The following SPIRE1 variants were observed in gnomAD, a reference collection of about 807,000 sequenced individuals.
SPIRE1 encodes protein spire homolog 1.
SPIRE1 carries 40 observed loss-of-function variants against 94.1 expected under a neutral mutation model. That is an observed-to-expected ratio of 0.43 (90% confidence interval 0.33 to 0.55). SPIRE1 has a LOEUF of 0.55. SPIRE1 is among the 20% of genes least tolerant of loss of function. The pLI is 0.06. For synonymous variants in SPIRE1, 376 were observed against 371.7 expected (o/e 1.01, Z -0.13); for missense variants, 838 against 975.2 (o/e 0.86, Z 1.87).
intron 9 of SPIRE1, 83 bp downstream of exon 9, chr18:12,485,876 T>C: frequency 4.7e-6 from 5 of 1,054,026 alleles, no homozygotes; most frequent in South Asian, 1.4e-5. Flanking sequence ...TTTTAACATG[T>C]TTGAACAAGC....
At chr18:12,523,414 C>G (rs1434174805) in intron 4 of SPIRE1, among the ~76,000 whole-genome samples, 1 of 152,136 alleles carries the variant, frequency 6.6e-6, no homozygotes, top group Non-Finnish European at 1.5e-5. Context: ...TTATATAAAT[C>G]TAGTTGATAA....
rs1345452411 is a variant in SPIRE1, at chr18:12,549,436, G to GTT, written c.373-2534_373-2533dup. On this transcript the variant is annotated intron_variant, in intron 2 of 16. Transcript: ENST00000409402. The stretch of plus-strand genomic sequence containing the variant: ...TTGCTTTTTGTTTGTTTTTGTTATT[G>GTT]TTGTTTTTTTTTTTTTTTTTTTTTT... Among the ~76,000 whole-genome samples, 281 of 51,926 alleles carry GTT rather than the reference G, an allele frequency of 5.4e-3. 17 individuals carry two copies. Among genetic ancestry groups the GTT allele is most frequent in the Middle Eastern group, 0.029 (2 of 70 alleles). 34.1% of individuals were successfully genotyped at this position (51,926 alleles called of 152,430 possible). A position where few individuals can be genotyped will look rare whatever the true frequency, so the allele number is the denominator to read the frequency against.
At chr18:12,468,848 A>G (rs1312299253) in intron 10 of SPIRE1, among the ~76,000 whole-genome samples, 2 of 152,132 alleles carry the variant, frequency 1.3e-5, no homozygotes, top group African/African-American at 4.8e-5. Context: ...CGCTTAAGCC[A>G]GGGAGTTTGA....
At chr18:12,649,724 C>T (rs540851602) in intron 1 of SPIRE1, among the ~76,000 whole-genome samples, 111 of 152,206 alleles carry the variant, frequency 7.3e-4, no homozygotes, top group Non-Finnish European at 1.3e-3. Flanking sequence ...AAAGTTTAGT[C>T]AAAACTCTTA....
chr18:12,585,881 CAA>C (rs1398175508), intron 2 of SPIRE1, among the ~76,000 whole-genome samples: 1 of 152,172 alleles, frequency 6.6e-6, no homozygotes, highest in Non-Finnish European at 1.5e-5. Flanking sequence ...AAGAGCTCGG[CAA>C]ACATTTTGTT....
At chr18:12,590,835 G>A (rs924507140) in intron 2 of SPIRE1, among the ~76,000 whole-genome samples, 1 of 152,148 alleles carries the variant, frequency 6.6e-6, no homozygotes, top group Non-Finnish European at 1.5e-5. Context: ...ATGTTACTGT[G>A]TACAGTTTGT....
chr18:12,602,148 A>G (rs1229233521), intron 2 of SPIRE1, among the ~76,000 whole-genome samples: 2 of 152,162 alleles, frequency 1.3e-5, no homozygotes, highest in African/African-American at 4.8e-5. Context: ...ATACACATAA[A>G]GGGCTGAGTT....
In SPIRE1 at chr18:12,476,574, T is replaced by A. The variant is rs1380689680; in HGVS notation, c.1404+3125A>T. Among the ~76,000 whole-genome samples, 198 of 113,478 alleles carry A rather than the reference T, an allele frequency of 1.7e-3. 2 individuals are homozygous for A. Among genetic ancestry groups the A allele is most frequent in the East Asian group, 0.016 (51 of 3,170 alleles). The allele number at this position is 113,478 out of a possible 152,430, so 74.4% of individuals were successfully genotyped here. A position where few individuals can be genotyped will look rare whatever the true frequency, so the allele number is the denominator to read the frequency against. On this transcript the variant is annotated intron_variant, in intron 10 of 16. Transcript: ENST00000409402. The stretch of plus-strand genomic sequence containing the variant: ...AAAAAAAAAAAAAAAAATATATATA[T>A]ATATATATATATATACACACACACA...
At chr18:12,565,885 T>C (rs2035806371) in intron 2 of SPIRE1, among the ~76,000 whole-genome samples, 1 of 150,876 alleles carries the variant, frequency 6.6e-6, no homozygotes, top group South Asian at 2.1e-4. Context: ...AATACAAAAG[T>C]TGGCTGGGCA....
chr18:12,614,481 G>A (rs2037228097), intron 2 of SPIRE1, among the ~76,000 whole-genome samples: 1 of 152,136 alleles, frequency 6.6e-6, no homozygotes, highest in Non-Finnish European at 1.5e-5. Context: ...TAATAAGCAG[G>A]AGACTGGGAA....
At chr18:12,505,734 G>A (rs1170964162) in intron 6 of SPIRE1, among the ~76,000 whole-genome samples, 2 of 152,118 alleles carry the variant, frequency 1.3e-5, no homozygotes, top group African/African-American at 4.8e-5. Flanking sequence ...CACAAAATAT[G>A]TTGCTTATAA....
At chr18:12,481,436 T>G (rs1299626462) in intron 9 of SPIRE1, among the ~76,000 whole-genome samples, 1 of 152,100 alleles carries the variant, frequency 6.6e-6, no homozygotes, top group Non-Finnish European at 1.5e-5. Flanking sequence ...AAAAACCATG[T>G]AAATTATTTC....
Position 12,657,612 on chromosome 18 carries a change from G to T in SPIRE1, c.255C>A (p.Ala85=). Reference sequence around the variant, plus strand: ...CGTCCCTCCAGACGCGGATCTGCGCGGCCGAGCGCACACGGTGGCGGGGCT... The same window carrying T: ...CGTCCCTCCAGACGCGGATCTGCGCTGCCGAGCGCACACGGTGGCGGGGCT... ...RRQPRHRVRS[A]AQIRVWRDGA... The change falls in exon 1 of 17, where the codon GCC becomes GCA. Residue 85 remains alanine, a synonymous_variant. Coordinates refer to ENST00000409402, the MANE Select transcript of SPIRE1 (RefSeq NM_001128626.2). 7.8e-7 allele frequency: 1 copy of T among 1,283,346 alleles called. No individual in the cohort carries two copies. The highest frequency in any genetic ancestry group is 9.8e-7 in the Non-Finnish European group (1 of 1,018,654). The allele number at this position is 1,283,346 out of a possible 1,614,324, so 79.5% of individuals were successfully genotyped here.
chr18:12,491,545 A>G (rs1467229204), intron 8 of SPIRE1, among the ~76,000 whole-genome samples: 2 of 151,880 alleles, frequency 1.3e-5, no homozygotes, highest in Admixed American at 1.3e-4. Context: ...CACCCAGGCT[A>G]GAGTGGAGTG....
intron 1 of SPIRE1, chr18:12,656,720 T>A (rs2038547313): frequency 2.0e-6 from 2 of 978,494 alleles, no homozygotes; most frequent in South Asian, 9.5e-5. Context: ...TCCTCTTCAA[T>A]GAGCATCTGA....
At position 12,546,723 on chromosome 18, in the gene SPIRE1, T is replaced by C. The variant is rs371127508; in HGVS notation, c.554A>G (p.Asp185Gly). 6 of 1,614,186 alleles carry C rather than the reference T, an allele frequency of 3.7e-6. No individual in the cohort carries two copies. The highest frequency in any genetic ancestry group is 1.6e-4 in the Middle Eastern group (1 of 6,062). Residue 185 changes from aspartate to glycine, a missense_variant, in exon 3 of 17, where the codon GAT (aspartate) becomes GGT (glycine). Coordinates refer to ENST00000409402, the MANE Select transcript of SPIRE1 (RefSeq NM_001128626.2). ...AATAGCTGAGATTTTTCTCTTTTCA[T>C]CTTCATCTCCCAGGCCTTCTTCTGC... is the stretch of plus-strand genomic sequence containing the variant. ...EAAEEGLGDEDEKRKISAIRS... is the reference protein window; with the variant it reads ...EAAEEGLGDEGEKRKISAIRS...
intron 2 of SPIRE1, among the ~76,000 whole-genome samples, chr18:12,620,262 C>A (rs2037430047): frequency 6.6e-6 from 1 of 152,158 alleles, no homozygotes; most frequent in African/African-American, 2.4e-5. Context: ...TAACCAAATC[C>A]ATTTATAGAT....
intron 2 of SPIRE1, among the ~76,000 whole-genome samples, chr18:12,560,629 T>C (rs1270557004): frequency 6.6e-6 from 1 of 152,112 alleles, no homozygotes; most frequent in African/African-American, 2.4e-5. Context: ...GGCGGGCGGA[T>C]CACTTGAGGT....
intron 4 of SPIRE1, among the ~76,000 whole-genome samples, chr18:12,517,469 A>G (rs1270470697): frequency 1.3e-5 from 2 of 152,258 alleles, no homozygotes; most frequent in Admixed American, 1.3e-4. Flanking sequence ...GTTATTTGAA[A>G]GTAAATTACA....
Sources: gnomAD v4.1 joint callset for allele counts (sites outside exome capture counted in the v4.1 genomes callset) on GRCh38, gnomAD v4.1.1 for gene constraint, MANE v1.5 for transcripts, NCBI Gene and HGNC (gene_info 2026-07-23, HGNC 2026-07-21) for gene names.